Variants in HHLA1 observed in about 807,000 individuals in gnomAD.
The protein encoded by HHLA1 is HERV-H LTR-associating protein 1.
HHLA1 carries 72 observed loss-of-function variants against 69.9 expected under a neutral mutation model. That is an observed-to-expected ratio of 1.03 (90% CI 0.85 to 1.25). The LOEUF is 1.25. Ranked by LOEUF, HHLA1 falls within the 50% of genes most tolerant of loss-of-function variation. The pLI, the probability that HHLA1 is intolerant of heterozygous loss-of-function variation, is 0.00. For synonymous variants in HHLA1, 252 were observed against 233.2 expected (o/e 1.08, Z -0.73); for missense variants, 685 against 642.2 (o/e 1.07, Z -0.72).
At position 132,101,410 on chromosome 8, in the gene HHLA1, C is replaced by A. The variant is rs1330691026; in HGVS notation, c.140-1276G>T. ...AAATCCCCAAACTTGATTTGATGTA[C>A]CTAAATTTGATGTACCATATTGGGC... On this transcript the variant is annotated intron_variant, in intron 3 of 16. Transcript: ENST00000414222. 1.2e-5 allele frequency: 15 copies of A among 1,217,742 alleles called. No homozygotes were observed. In the African/African-American group the frequency reaches 2.3e-4, roughly 19 times the overall value. The allele number at this position is 1,217,742 out of a possible 1,614,324, so 75.4% of individuals were successfully genotyped here.
chr8:132,081,493 TA>T (rs1823752075), intron 10 of HHLA1, among the ~76,000 whole-genome samples: 1 of 152,186 alleles, frequency 6.6e-6, no homozygotes. Context: ...GTAAGGGATA[TA>T]AAGCTTTCAC....
intron 10 of HHLA1, among the ~76,000 whole-genome samples, chr8:132,081,722 A>G (rs1404854806): frequency 6.6e-6 from 1 of 152,208 alleles, no homozygotes; most frequent in African/African-American, 2.4e-5. Flanking sequence ...TATCTGACTC[A>G]GGGCATGTTG....
intron 7 of HHLA1, among the ~76,000 whole-genome samples, chr8:132,095,242 G>A (rs756297572): frequency 1.7e-4 from 26 of 152,198 alleles, no homozygotes; most frequent in Non-Finnish European, 2.9e-4. Context: ...GTTTTTGAAA[G>A]TTTAATTATG....
Position 132,079,897 on chromosome 8 carries a change from G to C in HHLA1, c.746C>G (p.Thr249Arg). The C allele has an allele frequency of 6.4e-7, 1 of 1,552,258 alleles. No individual in the cohort carries two copies. The highest frequency in any genetic ancestry group is 2.4e-5 in the East Asian group (1 of 40,912). ...TTKSQKTLPS[T>R]SPGHWTQSTP... The stretch of plus-strand genomic sequence containing the variant: ...GCTCTGGGTCCAGTGTCCGGGGCTT[G>C]TACTTGGTAGTGTTTTCTGGCTTTT... The change falls in exon 11 of 17, where the codon ACA (threonine) becomes AGA (arginine). Residue 249 changes from threonine (T) to arginine (R), a missense_variant. Thr to Arg is a moderately conservative substitution (Grantham distance 71, BLOSUM62 -1). Coordinates refer to ENST00000414222, the MANE Select transcript of HHLA1 (RefSeq NM_001145095.3).
At chr8:132,094,308 A>C (rs905556327) in intron 7 of HHLA1, among the ~76,000 whole-genome samples, 2 of 152,206 alleles carry the variant, frequency 1.3e-5, no homozygotes, top group African/African-American at 4.8e-5. Flanking sequence ...AAAATGTCAG[A>C]TCATGTCCCT....
Position 132,104,141 on chromosome 8 carries a change from T to A in HHLA1, c.106A>T (p.Lys36Ter). The change falls in exon 3 of 17, where the codon AAA (lysine) becomes TAA (stop). Residue 36 changes from lysine (K) to a stop codon, truncating the protein, a stop_gained. Coordinates refer to ENST00000414222, the MANE Select transcript of HHLA1 (RefSeq NM_001145095.3). LOFTEE classifies it high-confidence loss of function. ...GGTAAAAAGGTCATTCCCTTCTCTT[T>A]CTTGGCTTCTCCTTTGATGCCAGAC... ...TVSGIKGEAKKEKGMTFLPTT... is the reference protein window; with the variant it reads ...TVSGIKGEAK The A allele has an allele frequency of 6.4e-7, 1 of 1,551,190 alleles. No individual in the cohort carries two copies. The highest frequency in any genetic ancestry group is 2.0e-5 in the Admixed American group (1 of 50,994).
chr8:132,072,492 C>T (rs967961538), intron 14 of HHLA1, among the ~76,000 whole-genome samples: 1 of 152,082 alleles, frequency 6.6e-6, no homozygotes, highest in South Asian at 2.1e-4. Context: ...CTGGTGACAG[C>T]CACTAGAGCT....
chr8:132,081,972 A>T (rs1331822356), intron 10 of HHLA1, among the ~76,000 whole-genome samples: 1 of 152,148 alleles, frequency 6.6e-6, no homozygotes, highest in African/African-American at 2.4e-5. Context: ...GGCCTGGTGG[A>T]ACTGCCATCA....
chr8:132,065,627 A>T (rs1823423147), intron 16 of HHLA1, among the ~76,000 whole-genome samples: 1 of 152,154 alleles, frequency 6.6e-6, no homozygotes, highest in African/African-American at 2.4e-5. Flanking sequence ...TGGCTAAGAG[A>T]TTTGCCTGAG....
In HHLA1 at chr8:132,071,338, A is replaced by G. The variant is rs1286209703; in HGVS notation, c.1469+2T>C. The G allele has an allele frequency of 1.3e-6, 2 of 1,548,256 alleles. No individual in the cohort carries two copies. The highest frequency in any genetic ancestry group is 1.7e-6 in the Non-Finnish European group (2 of 1,145,920). On this transcript the variant is annotated splice_donor_variant, in intron 15 of 16. Transcript: ENST00000414222. LOFTEE classifies it high-confidence loss of function. ...TGAAAAGAAGCCACTGGGCCAAGTT[A>G]CCTCATGTCCTCTGTCCTGGGACTC...
chr8:132,063,820 G>A lies in HHLA1; in HGVS notation c.*175C>T, dbSNP rs1213382535. On this transcript the variant is annotated 3_prime_UTR_variant, in exon 17 of 17. Transcript: ENST00000414222. Reference sequence around the variant, plus strand: ...ACTTCTACCTTCAATGTTTTGCACAGATTCACAGGAGAGGGAAAAAAAATG... The same window carrying A: ...ACTTCTACCTTCAATGTTTTGCACAAATTCACAGGAGAGGGAAAAAAAATG... 7.8e-6 allele frequency: 2 copies of A among 255,040 alleles called. No homozygotes were observed. Among genetic ancestry groups the A allele is most frequent in the African/African-American group, 2.2e-5 (1 of 45,794 alleles). The allele number at this position is 255,040 out of a possible 1,614,324, so 15.8% of individuals were successfully genotyped here.
intron 14 of HHLA1, among the ~76,000 whole-genome samples, chr8:132,074,299 A>T (rs1186941617): frequency 6.6e-5 from 10 of 151,914 alleles, no homozygotes; most frequent in Admixed American, 6.6e-4. Flanking sequence ...TTCTCTTAAG[A>T]ATCTAGTCAC....
intron 15 of HHLA1, among the ~76,000 whole-genome samples, chr8:132,068,587 A>G (rs1823478580): frequency 1.3e-5 from 2 of 152,228 alleles, no homozygotes; most frequent in Admixed American, 1.3e-4. Flanking sequence ...TTCAGGGCAG[A>G]TATAAGCTGC....
chr8:132,070,254 A>G, intron 15 of HHLA1: 1 of 694,128 alleles, frequency 1.4e-6, no homozygotes, highest in East Asian at 2.7e-5. Flanking sequence ...AAATAACAGT[A>G]TGTCAGCATT....
At chr8:132,065,794 C>T (rs1823426743) in intron 16 of HHLA1, 92 bp downstream of exon 16, 1 of 554,212 alleles carries the variant, frequency 1.8e-6, no homozygotes, top group Admixed American at 2.5e-5. Context: ...CTACAGCATT[C>T]CAAAGACATC....
Position 132,101,286 on chromosome 8 carries a change from T to A in HHLA1, c.140-1152A>T, listed in dbSNP as rs746970518. ...TTATTTCCAGACACTGAAATAAAAG[T>A]TTTCATGAATAAAATAGTAACCTGA... On this transcript the variant is annotated intron_variant, in intron 3 of 16. Coordinates refer to ENST00000414222, the MANE Select transcript of HHLA1 (RefSeq NM_001145095.3). The A allele has an allele frequency of 3.7e-5, 57 of 1,549,582 alleles. 1 individual carries two copies. The South Asian group carries it at 6.8e-4, about 18-fold the overall frequency.
intron 1 of HHLA1, among the ~76,000 whole-genome samples, chr8:132,109,463 C>A (rs191926534): frequency 1.1e-3 from 163 of 152,246 alleles, no homozygotes; most frequent in African/African-American, 3.9e-3. Context: ...TGTAATCTAA[C>A]TTTTGTTAGT....
At chr8:132,071,918 G>A (rs952121191) in intron 14 of HHLA1, among the ~76,000 whole-genome samples, 1 of 152,012 alleles carries the variant, frequency 6.6e-6, no homozygotes, top group Non-Finnish European at 1.5e-5. Context: ...TGTGTGCAGG[G>A]TACATGTGTG....
intron 14 of HHLA1, among the ~76,000 whole-genome samples, chr8:132,073,031 ATTAC>A (rs1232741629): frequency 1.3e-5 from 2 of 152,210 alleles, no homozygotes. Flanking sequence ...TGGTTTCCTC[ATTAC>A]TTAATGAGTT....
Sources: allele counts gnomAD v4.1 joint callset (sites outside exome capture counted in the v4.1 genomes callset), GRCh38; gene constraint gnomAD v4.1.1; transcripts MANE v1.5; gene names NCBI Gene and HGNC (gene_info 2026-07-23, HGNC 2026-07-21).